TSPAN13: variants seen among roughly 807,000 people sequenced by gnomAD.
TSPAN13 encodes the protein tetraspanin-13.
Under a neutral mutation model 26.9 loss-of-function variants are expected in TSPAN13, and 18 were observed. The observed-to-expected ratio is 0.67, with a 90% CI of 0.46 to 0.99. The LOEUF is 0.99. Ranked by LOEUF, TSPAN13 falls within the 50% of genes least tolerant of loss-of-function variation. TSPAN13 has a pLI of 0.00. For synonymous variants in TSPAN13, 116 were observed against 98.4 expected (o/e 1.18, Z -1.06); for missense variants, 201 against 249.6 (o/e 0.81, Z 1.31).
chr7:16,780,918 A>G (rs1055557633), intron 5 of TSPAN13, among the ~76,000 whole-genome samples: 8 of 152,168 alleles, frequency 5.3e-5, no homozygotes, highest in Admixed American at 3.9e-4. Flanking sequence ...AACTTATGCA[A>G]CCTGGTTTTT....
chr7:16,780,913 A>T (rs981349741), intron 5 of TSPAN13, among the ~76,000 whole-genome samples: 2 of 152,182 alleles, frequency 1.3e-5, no homozygotes, highest in Non-Finnish European at 2.9e-5. Flanking sequence ...TTTATAACTT[A>T]TGCAACCTGG....
chr7:16,775,010 A>G (rs1041176586), intron 1 of TSPAN13, among the ~76,000 whole-genome samples: 1 of 152,242 alleles, frequency 6.6e-6, no homozygotes, highest in Non-Finnish European at 1.5e-5. Context: ...GCAGAAAAAG[A>G]TGCATTTGAG....
chr7:16,757,124 A>G (rs950130569), intron 1 of TSPAN13, among the ~76,000 whole-genome samples: 1 of 152,188 alleles, frequency 6.6e-6, no homozygotes, highest in African/African-American at 2.4e-5. Context: ...TATAAGGAAT[A>G]TACTGACTTT....
intron 1 of TSPAN13, among the ~76,000 whole-genome samples, chr7:16,772,716 C>G (rs564962779): frequency 6.6e-6 from 1 of 152,254 alleles, no homozygotes; most frequent in South Asian, 2.1e-4. Flanking sequence ...TTATCCTTGG[C>G]CGGGCGCGGT....
intron 5 of TSPAN13, among the ~76,000 whole-genome samples, chr7:16,781,817 T>C (rs1184411200): frequency 5.9e-5 from 9 of 152,076 alleles, no homozygotes; most frequent in South Asian, 2.1e-4. Flanking sequence ...TTTGGGCAGG[T>C]TGAGGTGGGG....
At chr7:16,760,334 A>G (rs1351902363) in intron 1 of TSPAN13, among the ~76,000 whole-genome samples, 1 of 152,198 alleles carries the variant, frequency 6.6e-6, no homozygotes, top group Non-Finnish European at 1.5e-5. Flanking sequence ...AACAGAATTA[A>G]AAGAAATAGA....
rs1340768029 is a variant in TSPAN13, at chr7:16,753,782, C to T, written c.-186C>T. 4.0e-6 allele frequency: 2 copies of T among 494,192 alleles called. No individual in the cohort carries two copies. Among genetic ancestry groups the T allele is most frequent in the Admixed American group, 4.5e-5 (1 of 22,336 alleles). 30.6% of individuals were successfully genotyped at this position (494,192 alleles called of 1,614,324 possible). Reference sequence around the variant, plus strand: ...GGCTCAGCTGCGGCGGCCGCAGGTTCCAAAGCGGGTCCGAGCCGCCGCCGC... The same window carrying T: ...GGCTCAGCTGCGGCGGCCGCAGGTTTCAAAGCGGGTCCGAGCCGCCGCCGC... On this transcript the variant is annotated 5_prime_UTR_variant, in exon 1 of 6. Transcript: ENST00000262067.
intron 1 of TSPAN13, among the ~76,000 whole-genome samples, chr7:16,774,892 A>T (rs1435806912): frequency 6.6e-6 from 1 of 152,244 alleles, no homozygotes; most frequent in Non-Finnish European, 1.5e-5. Context: ...ATAGACACTC[A>T]TGTAGCAGTT....
intron 1 of TSPAN13, among the ~76,000 whole-genome samples, chr7:16,774,564 C>T (rs981237857): frequency 2.0e-5 from 3 of 152,118 alleles, no homozygotes; most frequent in Admixed American, 6.5e-5. Flanking sequence ...TTTTCTCAGT[C>T]CAAGACTGTT....
At position 16,772,369 on chromosome 7, in the gene TSPAN13, G is replaced by A. The variant is rs1396471261; in HGVS notation, c.64-3842G>A. 2.6e-5 allele frequency among the ~76,000 whole-genome samples: 4 copies of A among 152,276 alleles called. No individual in the cohort carries two copies. In the East Asian group the frequency reaches 7.7e-4, roughly 29 times the overall value. On this transcript the variant is annotated intron_variant, in intron 1 of 5. Coordinates refer to ENST00000262067, the MANE Select transcript of TSPAN13 (RefSeq NM_014399.4). The stretch of plus-strand genomic sequence containing the variant: ...TGTAGCAAATTACCACGAACATGGT[G>A]ACTCAAAATAACAGAAATTTATCCC...
chr7:16,776,282 G>A lies in TSPAN13; in HGVS notation c.135G>A (p.Val45=), dbSNP rs772131755. The A allele has an allele frequency of 3.1e-6, 5 of 1,614,064 alleles. No homozygotes were observed. Among genetic ancestry groups the A allele is most frequent in the Non-Finnish European group, 3.4e-6 (4 of 1,180,016 alleles). ...TCGGGCTGATTTCCAGTCTCCGAGT[G>A]GTCGGCGTGGTCATTGCAGTGGGCA... The part of the protein sequence containing the change: ...IGFGLISSLR[V]VGVVIAVGIF... The change falls in exon 2 of 6, where the codon GTG becomes GTA. Residue 45 remains valine (V), a synonymous_variant. Transcript: ENST00000262067.
intron 1 of TSPAN13, among the ~76,000 whole-genome samples, chr7:16,770,457 GCTTCGGCCT>G (rs1562519271): frequency 1.3e-5 from 2 of 152,048 alleles, no homozygotes; most frequent in Non-Finnish European, 1.5e-5. Context: ...TGATCCACCC[GCTTCGGCCT>G]CCCAAAGTGT....
At chr7:16,780,658 T>C (rs1784804413) in intron 5 of TSPAN13, among the ~76,000 whole-genome samples, 1 of 152,006 alleles carries the variant, frequency 6.6e-6, no homozygotes, top group Admixed American at 6.5e-5. Context: ...TCAGCTAGAG[T>C]CAGCAGTTAT....
chr7:16,760,753 T>C (rs1409975693), intron 1 of TSPAN13, among the ~76,000 whole-genome samples: 1 of 151,738 alleles, frequency 6.6e-6, no homozygotes, highest in Non-Finnish European at 1.5e-5. Flanking sequence ...TGCAGAGAGG[T>C]TGGTGTCTCA....
At chr7:16,761,471 A>T (rs933158702) in intron 1 of TSPAN13, among the ~76,000 whole-genome samples, 1 of 152,090 alleles carries the variant, frequency 6.6e-6, no homozygotes, top group African/African-American at 2.4e-5. Context: ...TTCACGTGTA[A>T]TTCCTCATTA....
At chr7:16,774,846 C>A (rs1271810129) in intron 1 of TSPAN13, among the ~76,000 whole-genome samples, 1 of 151,698 alleles carries the variant, frequency 6.6e-6, no homozygotes, top group African/African-American at 2.4e-5. Context: ...GTCTCTTTGG[C>A]AAAAAAATAC....
At chr7:16,775,061 C>T (rs1359233847) in intron 1 of TSPAN13, among the ~76,000 whole-genome samples, 1 of 152,112 alleles carries the variant, frequency 6.6e-6, no homozygotes, top group Admixed American at 6.5e-5. Context: ...CAAAGTTTAT[C>T]AGGCTTTTAA....
chr7:16,760,208 G>A lies in TSPAN13; in HGVS notation c.63+6178G>A, dbSNP rs181889441. 2.0e-4 allele frequency among the ~76,000 whole-genome samples: 30 copies of A among 152,274 alleles called. 3 individuals are homozygous for A. The East Asian group carries it at 5.4e-3, about 27-fold the overall frequency. On this transcript the variant is annotated intron_variant, in intron 1 of 5. Coordinates refer to ENST00000262067, the MANE Select transcript of TSPAN13 (RefSeq NM_014399.4). ...CTGATTTTTATGTAAAAGGCTATAT[G>A]GCTTTTGAGTTAAGAATATATTATA... is the stretch of plus-strand genomic sequence containing the variant.
intron 1 of TSPAN13, among the ~76,000 whole-genome samples, chr7:16,757,986 A>T (rs1197279785): frequency 1.3e-5 from 2 of 152,046 alleles, no homozygotes; most frequent in African/African-American, 2.4e-5. Context: ...GGTGCCCGCC[A>T]CCATGTCCAG....
Sources: gnomAD v4.1 joint callset for allele counts (sites outside exome capture counted in the v4.1 genomes callset) on GRCh38, gnomAD v4.1.1 for gene constraint, MANE v1.5 for transcripts, NCBI Gene and HGNC (gene_info 2026-07-23, HGNC 2026-07-21) for gene names.